Variants in NHERF1 observed in about 807,000 individuals in gnomAD.
NHERF1 encodes the protein Na(+)/H(+) exchange regulatory cofactor NHE-RF1.
chr17:74,762,470 G>A, the NHERF1 span, among the ~76,000 whole-genome samples: 1 of 152,162 alleles, frequency 6.6e-6, no homozygotes, highest in Non-Finnish European at 1.5e-5. This position sits in a 1 kb window ranked among gnomAD's most constrained non-coding sequence, Gnocchi z 4.2. Flanking sequence ...AGATGTCTGG[G>A]GCCATCTCCA....
chr17:74,753,514 G>A, the NHERF1 span, among the ~76,000 whole-genome samples: 1 of 152,168 alleles, frequency 6.6e-6, no homozygotes, highest in Non-Finnish European at 1.5e-5. Context: ...TTCTTTGCTG[G>A]CAAAACAGTG....
chr17:74,768,581 C>T, the NHERF1 span: 1 of 1,614,156 alleles, frequency 6.2e-7, no homozygotes, highest in Admixed American at 1.7e-5. Context: ...AAGAGAGGGC[C>T]CACCAGAAAC....
the NHERF1 span, chr17:74,768,762 ACAT>A: frequency 3.3e-6 from 3 of 917,056 alleles, no homozygotes; most frequent in East Asian, 7.6e-5. Context: ...ATCAGCACCC[ACAT>A]CCCCTTTCTT....
At chr17:74,766,192 GTTTT>G in the NHERF1 span, among the ~76,000 whole-genome samples, 1 of 151,418 alleles carries the variant, frequency 6.6e-6, no homozygotes, top group Non-Finnish European at 1.5e-5. Flanking sequence ...TGTTTTTTTT[GTTTT>G]GTTTTGTTTT....
the NHERF1 span, chr17:74,749,060 C>T: frequency 6.3e-7 from 1 of 1,596,150 alleles, no homozygotes; most frequent in African/African-American, 1.3e-5. The surrounding 1 kb of genome is among the most constrained non-coding windows in gnomAD (Gnocchi z 5.6). Context: ...GAAGGAGACC[C>T]ACCAGCAGGT....
chr17:74,767,121 C>A, the NHERF1 span: 1 of 774,156 alleles, frequency 1.3e-6, no homozygotes, highest in Non-Finnish European at 2.3e-6. Flanking sequence ...CAGCTCCAAG[C>A]TATAGAACTG....
the NHERF1 span, chr17:74,766,960 A>G: frequency 3.1e-6 from 5 of 1,613,840 alleles, no homozygotes; most frequent in African/African-American, 5.3e-5. Context: ...CCCTTCACCA[A>G]TGGGGAGATA....
the NHERF1 span, among the ~76,000 whole-genome samples, chr17:74,759,395 G>A: frequency 6.6e-5 from 10 of 152,234 alleles, no homozygotes; most frequent in South Asian, 4.1e-4. Flanking sequence ...GTCACTAGGC[G>A]AGGGGCACTG....
the NHERF1 span, among the ~76,000 whole-genome samples, chr17:74,764,540 C>T: frequency 6.6e-6 from 1 of 152,174 alleles, no homozygotes; most frequent in Non-Finnish European, 1.5e-5. The surrounding 1 kb of genome is among the most constrained non-coding windows in gnomAD (Gnocchi z 4.9). Flanking sequence ...AGAGAAGCCC[C>T]AGCCTTCCTC....
the NHERF1 span, among the ~76,000 whole-genome samples, chr17:74,766,026 C>G: frequency 6.6e-6 from 1 of 152,152 alleles, no homozygotes; most frequent in Non-Finnish European, 1.5e-5. Context: ...AAGCTTCCCA[C>G]GTAGGAGTTC....
At chr17:74,755,273 C>T in the NHERF1 span, among the ~76,000 whole-genome samples, 1 of 152,196 alleles carries the variant, frequency 6.6e-6, no homozygotes, top group African/African-American at 2.4e-5. Flanking sequence ...CTTGCAGTGC[C>T]TCAGCCCATA....
chr17:74,763,277 G>A, the NHERF1 span: 1 of 1,296,470 alleles, frequency 7.7e-7, no homozygotes, highest in Non-Finnish European at 1.1e-6. Context: ...TGAGAACCAA[G>A]GTGGTCACCC....
At chr17:74,768,422 A>G in the NHERF1 span, 15 of 1,597,744 alleles carry the variant, frequency 9.4e-6, no homozygotes, top group Non-Finnish European at 1.1e-5. Context: ...CAGGGAGCCT[A>G]ATGAGGGACT....
the NHERF1 span, chr17:74,763,413 C>T: frequency 6.2e-7 from 1 of 1,614,132 alleles, no homozygotes; most frequent in South Asian, 1.1e-5. Flanking sequence ...GACGTGGTGT[C>T]CGCCATCAGG....
At chr17:74,757,327 A>G in the NHERF1 span, among the ~76,000 whole-genome samples, 2 of 152,176 alleles carry the variant, frequency 1.3e-5, no homozygotes, top group Non-Finnish European at 2.9e-5. Flanking sequence ...ATCAAGGGCT[A>G]GGAGCAGTGA....
At chr17:74,758,016 C>G in the NHERF1 span, among the ~76,000 whole-genome samples, 2 of 152,328 alleles carry the variant, frequency 1.3e-5, no homozygotes, top group Middle Eastern at 3.4e-3. The surrounding 1 kb of genome is among the most constrained non-coding windows in gnomAD (Gnocchi z 4.3). Context: ...TGGGCTGTTT[C>G]TGTAGGGCCC....
At chr17:74,759,323 C>A in the NHERF1 span, among the ~76,000 whole-genome samples, 148 of 152,372 alleles carry the variant, frequency 9.7e-4, no homozygotes, top group Non-Finnish European at 1.6e-3. Flanking sequence ...TTGAACTGCA[C>A]GACTTGGTGC....
the NHERF1 span, among the ~76,000 whole-genome samples, chr17:74,759,475 C>T: frequency 6.6e-6 from 1 of 152,140 alleles, no homozygotes; most frequent in African/African-American, 2.4e-5. Context: ...CCAAAGGCAG[C>T]TAGCACAGCC....
the NHERF1 span, among the ~76,000 whole-genome samples, chr17:74,766,183 G>GT: frequency 1.3e-4 from 19 of 151,218 alleles, no homozygotes; most frequent in South Asian, 4.2e-4. Context: ...TTTTTGGTTT[G>GT]TTTTTTTTGT....
Sources: allele counts gnomAD v4.1 joint callset (sites outside exome capture counted in the v4.1 genomes callset), GRCh38; gene constraint gnomAD v4.1.1; non-coding constraint Gnocchi (gnomAD v3.1); transcripts MANE v1.5; gene names NCBI Gene and HGNC (gene_info 2026-07-23, HGNC 2026-07-21).